The following EEF2K variants were observed in gnomAD, a reference collection of about 807,000 sequenced individuals.
EEF2K encodes the protein eukaryotic elongation factor 2 kinase, also known as alternative protein EEF2K.
EEF2K carries 70 observed loss-of-function variants against 93.8 expected under a neutral mutation model. That is an observed-to-expected ratio of 0.75 (90% confidence interval 0.62 to 0.91). The LOEUF is 0.91. EEF2K is among the 40% of genes least tolerant of loss of function. EEF2K has a pLI of 0.00. For missense variants in EEF2K, 935 were observed against 972.9 expected (o/e 0.96, Z 0.52); for synonymous variants, 376 against 380.8 (o/e 0.99, Z 0.15).
At position 22,283,883 on chromosome 16, in the gene EEF2K, T is replaced by C. The variant is rs1311525101; in HGVS notation, c.2069-4T>C. Reference sequence around the variant, plus strand: ...TCTTTTTGCCCCCCTTTGCTGTCTTTCAGGGGACTTGTATACCCAGGCAGC... The same window carrying C: ...TCTTTTTGCCCCCCTTTGCTGTCTTCCAGGGGACTTGTATACCCAGGCAGC... On this transcript the variant is annotated splice_region_variant and splice_polypyrimidine_tract_variant and intron_variant, in intron 17 of 17. Transcript: ENST00000263026. The C allele has an allele frequency of 1.3e-6, 2 of 1,585,590 alleles. No homozygotes were observed. The highest frequency in any genetic ancestry group is 2.7e-5 in the African/African-American group (2 of 74,502).
chr16:22,259,275 T>G (rs1017447299), intron 10 of EEF2K, among the ~76,000 whole-genome samples: 7 of 152,188 alleles, frequency 4.6e-5, no homozygotes, highest in Non-Finnish European at 8.8e-5. Context: ...GGTATTGGCC[T>G]AAAGAGCTGG....
In EEF2K at chr16:22,258,645, C is replaced by G; in HGVS notation, c.1181C>G (p.Pro394Arg). Residue 394 changes from proline to arginine, a missense_variant, in exon 10 of 18, where the codon CCT becomes CGT. Coordinates refer to ENST00000263026, the MANE Select transcript of EEF2K (RefSeq NM_013302.5). ...NMSDVTFDSL[P>R]SSPSSATPHS... Reference sequence around the variant, plus strand: ...AGCGACGTGACCTTCGACTCTCTCCCTTCTTCCCCATCTTCGGCCACACCA... The same window carrying G: ...AGCGACGTGACCTTCGACTCTCTCCGTTCTTCCCCATCTTCGGCCACACCA... 6.2e-7 allele frequency: 1 copy of G among 1,614,210 alleles called. No individual in the cohort carries two copies. Among genetic ancestry groups the G allele is most frequent in the Non-Finnish European group, 8.5e-7 (1 of 1,180,036 alleles).
At chr16:22,265,096 C>A in intron 13 of EEF2K, 1 of 528,232 alleles carries the variant, frequency 1.9e-6, no homozygotes. Flanking sequence ...AGAAGAGCAG[C>A]TCAGCCCCAT....
At chr16:22,271,127 G>A (rs550819132) in intron 15 of EEF2K, among the ~76,000 whole-genome samples, 15 of 151,746 alleles carry the variant, frequency 9.9e-5, no homozygotes, top group African/African-American at 3.4e-4. Context: ...GCACCACCAC[G>A]CCTGGCTAAT....
At chr16:22,272,098 A>T (rs1214624633) in intron 15 of EEF2K, among the ~76,000 whole-genome samples, 2 of 152,216 alleles carry the variant, frequency 1.3e-5, no homozygotes, top group Non-Finnish European at 2.9e-5. Flanking sequence ...AATAGAAAAA[A>T]CAGTACATCA....
At chr16:22,258,822 T>A in intron 10 of EEF2K, 127 bp downstream of exon 10, 1 of 1,277,690 alleles carries the variant, frequency 7.8e-7, no homozygotes, top group Non-Finnish European at 1.1e-6. Flanking sequence ...CCCAGTGGTT[T>A]TATAGGTGAG....
At chr16:22,244,446 GC>G (rs979635654) in intron 2 of EEF2K, among the ~76,000 whole-genome samples, 183 bp from the exon 3 acceptor site, 4 of 152,028 alleles carry the variant, frequency 2.6e-5, no homozygotes, top group Non-Finnish European at 5.9e-5. Flanking sequence ...GGGAGGCTGT[GC>G]CTGTGAGTGC....
intron 2 of EEF2K, among the ~76,000 whole-genome samples, chr16:22,242,620 T>C (rs779395590): frequency 6.6e-6 from 1 of 151,736 alleles, no homozygotes; most frequent in African/African-American, 2.4e-5. Flanking sequence ...CTACTCTCAA[T>C]AGGTTTTGAT....
At chr16:22,244,752 T>C (rs780231295) in intron 3 of EEF2K, 22 bp downstream of exon 3, 7 of 1,612,644 alleles carry the variant, frequency 4.3e-6, no homozygotes, top group African/African-American at 1.3e-5. Flanking sequence ...GTGTGGGGTC[T>C]CGAGGAGTCC....
rs753394648 is a variant in EEF2K, at chr16:22,248,826, C to T, written c.408+11C>T. On this transcript the variant is annotated intron_variant, in intron 4 of 17. Transcript: ENST00000263026. ...AAGATGGCATCTCAGGTGAGCAGAGCGTTGAGCCCCGTGGGGACAGGGCTG... is the reference window on the plus strand; with the variant it reads ...AAGATGGCATCTCAGGTGAGCAGAGTGTTGAGCCCCGTGGGGACAGGGCTG... The T allele has an allele frequency of 4.3e-5, 69 of 1,613,596 alleles. No individual in the cohort carries two copies. The highest frequency in any genetic ancestry group is 9.9e-5 in the South Asian group (9 of 91,066).
Position 22,210,202 on chromosome 16 carries a change from C to CT in EEF2K, c.-77+3524dup, listed in dbSNP as rs2046902387. On this transcript the variant is annotated intron_variant, in intron 1 of 17. Transcript: ENST00000263026. ...CCAAAGTCCCAGGGCTGTGGGACTC[C>CT]TAGAGAAGCGTCTCAAATGGCTCCA... Among the ~76,000 whole-genome samples the CT allele has an allele frequency of 2.0e-5, 3 of 152,130 alleles. No homozygotes were observed. In the South Asian group the frequency reaches 6.2e-4, roughly 31 times the overall value.
intron 7 of EEF2K, 95 bp from the exon 8 acceptor site, chr16:22,257,158 G>A: frequency 6.3e-7 from 1 of 1,578,544 alleles, no homozygotes; most frequent in Non-Finnish European, 8.6e-7. Flanking sequence ...ACTCCTTGAA[G>A]AGAAAGCCCC....
chr16:22,284,290 G>A lies in EEF2K; in HGVS notation c.*294G>A. 2.9e-6 allele frequency: 1 copy of A among 344,482 alleles called. No homozygotes were observed. The highest frequency in any genetic ancestry group is 5.5e-6 in the Non-Finnish European group (1 of 181,258). The allele number at this position is 344,482 out of a possible 1,614,324, so 21.3% of individuals were successfully genotyped here. ...TGTGGTTTTTTTTGTTTGTTTGTTT[G>A]TTTGTTTTGAGACAGAGTCTTGCTC... is the stretch of plus-strand genomic sequence containing the variant. On this transcript the variant is annotated 3_prime_UTR_variant, in exon 18 of 18. Coordinates refer to ENST00000263026, the MANE Select transcript of EEF2K (RefSeq NM_013302.5).
chr16:22,243,922 C>CA (rs1011054825), intron 2 of EEF2K, among the ~76,000 whole-genome samples: 16,712 of 61,754 alleles, frequency 0.27, 1,919 homozygotes, highest in East Asian at 0.34. Flanking sequence ...GACCCTGTCT[C>CA]AAAAAAAAAA....
intron 11 of EEF2K, among the ~76,000 whole-genome samples, chr16:22,261,388 A>G (rs867188949): frequency 2.6e-5 from 4 of 151,332 alleles, no homozygotes; most frequent in Admixed American, 6.6e-5. Context: ...AAAAGAAAAA[A>G]CAAATACCTT....
intron 10 of EEF2K, among the ~76,000 whole-genome samples, chr16:22,259,235 A>G (rs2047438964): frequency 6.6e-6 from 1 of 152,228 alleles, no homozygotes; most frequent in East Asian, 1.9e-4. Context: ...GAGAGTCTGT[A>G]GGAAAGGATA....
In EEF2K at chr16:22,256,070, C is replaced by T. The variant is rs143728686; in HGVS notation, c.619-678C>T. ...CTGGGATTTTTGGTACGCACAAGCACGCCCAGCTAATTTTTGTATTTTTAT... is the reference window on the plus strand; with the variant it reads ...CTGGGATTTTTGGTACGCACAAGCATGCCCAGCTAATTTTTGTATTTTTAT... On this transcript the variant is annotated intron_variant, in intron 6 of 17. Coordinates refer to ENST00000263026, the MANE Select transcript of EEF2K (RefSeq NM_013302.5). Among the ~76,000 whole-genome samples the T allele has an allele frequency of 1.8e-3, 279 of 151,870 alleles. 4 individuals carry two copies. The highest frequency in any genetic ancestry group is 6.3e-4 in the Non-Finnish European group (43 of 67,940).
intron 1 of EEF2K, among the ~76,000 whole-genome samples, chr16:22,219,488 G>T (rs999262162): frequency 6.6e-6 from 1 of 152,120 alleles, no homozygotes; most frequent in Non-Finnish European, 1.5e-5. Flanking sequence ...AATTAGGTGG[G>T]CATAGTGACA....
At chr16:22,210,651 CTTAGT>C (rs2046905947) in intron 1 of EEF2K, among the ~76,000 whole-genome samples, 1 of 152,142 alleles carries the variant, frequency 6.6e-6, no homozygotes, top group Non-Finnish European at 1.5e-5. Flanking sequence ...CTCTCTGTTC[CTTAGT>C]TTTCTCATCT....
Sources: allele counts gnomAD v4.1 joint callset (sites outside exome capture counted in the v4.1 genomes callset), GRCh38; gene constraint gnomAD v4.1.1; transcripts MANE v1.5; gene names NCBI Gene and HGNC (gene_info 2026-07-23, HGNC 2026-07-21).